The following NMU variants were observed in gnomAD, a reference collection of about 807,000 sequenced individuals.
NMU encodes neuromedin-U.
A neutral mutation model predicts 35.4 loss-of-function variants in NMU; 29 were observed. That is an observed-to-expected ratio of 0.82 (90% CI 0.61 to 1.12). NMU has a LOEUF of 1.12. Among genes scored for constraint, NMU ranks in the 50% most tolerant of loss-of-function variants. The probability of loss-of-function intolerance (pLI) is 0.00; values close to 1 mark genes in which losing one functional copy is unlikely to be tolerated. For missense variants in NMU, 199 were observed against 206.2 expected (o/e 0.97, Z 0.21); for synonymous variants, 78 against 81.3 (o/e 0.96, Z 0.22).
At chr4:55,619,017 G>A (rs1442959445) in intron 2 of NMU, among the ~76,000 whole-genome samples, 1 of 151,644 alleles carries the variant, frequency 6.6e-6, no homozygotes, top group East Asian at 1.9e-4. Context: ...CCACAGGCAA[G>A]CACCACCATG....
In NMU at chr4:55,599,301, T is replaced by C. The variant is rs1214509199; in HGVS notation, c.490-120A>G. 6 of 793,834 alleles carry C rather than the reference T, an allele frequency of 7.6e-6. No homozygotes were observed. The African/African-American group carries it at 1.0e-4, about 14-fold the overall frequency. 49.2% of individuals were successfully genotyped at this position (793,834 alleles called of 1,614,324 possible). ...TGCATCACAATCATCTAGAGGGCTT[T>C]TTACAACATAGACTGCTGGACCCCA... On this transcript the variant is annotated intron_variant, in intron 8 of 9. Coordinates refer to ENST00000264218, the MANE Select transcript of NMU (RefSeq NM_006681.4).
intron 9 of NMU, among the ~76,000 whole-genome samples, chr4:55,597,405 G>C (rs1335486912): frequency 1.3e-5 from 2 of 150,290 alleles, no homozygotes; most frequent in South Asian, 4.2e-4. Flanking sequence ...TTTTGCTCTT[G>C]TTGCCCAGGC....
intron 3 of NMU, among the ~76,000 whole-genome samples, chr4:55,609,564 C>T: frequency 6.6e-6 from 1 of 152,116 alleles, no homozygotes; most frequent in Non-Finnish European, 1.5e-5. Flanking sequence ...ATCTACATGC[C>T]AAAGCTGTGA....
At chr4:55,635,085 C>T (rs1053276364) in intron 1 of NMU, among the ~76,000 whole-genome samples, 21 of 152,160 alleles carry the variant, frequency 1.4e-4, no homozygotes, top group African/African-American at 4.3e-4. Flanking sequence ...CAGTCTGCCA[C>T]TTTTACCTCA....
intron 3 of NMU, among the ~76,000 whole-genome samples, chr4:55,614,986 T>G (rs1734062185): frequency 1.3e-5 from 2 of 152,140 alleles, no homozygotes; most frequent in Admixed American, 6.5e-5. Flanking sequence ...GCAGGAGAAA[T>G]ACAACACTAT....
chr4:55,613,593 C>A (rs913550827), intron 3 of NMU, among the ~76,000 whole-genome samples: 1 of 151,972 alleles, frequency 6.6e-6, no homozygotes, highest in Non-Finnish European at 1.5e-5. Flanking sequence ...ATAATAATAT[C>A]CCCATTGAAT....
intron 2 of NMU, among the ~76,000 whole-genome samples, chr4:55,627,872 T>C (rs12500837): frequency 0.22 from 33,782 of 152,208 alleles, 4,927 homozygotes; most frequent in East Asian, 0.57. Context: ...CACATTTTAT[T>C]TAGGATTAAC....
chr4:55,633,886 G>T (rs527290744), intron 1 of NMU, among the ~76,000 whole-genome samples: 1 of 152,344 alleles, frequency 6.6e-6, no homozygotes, highest in African/African-American at 2.4e-5. Flanking sequence ...TCAAGTAACA[G>T]TTTGTTGCAG....
At chr4:55,615,240 C>G (rs1005860511) in intron 3 of NMU, among the ~76,000 whole-genome samples, 3 of 152,204 alleles carry the variant, frequency 2.0e-5, no homozygotes, top group Admixed American at 6.5e-5. Context: ...TAATTCTTTT[C>G]TATTGAAGAG....
intron 2 of NMU, among the ~76,000 whole-genome samples, chr4:55,616,776 C>T (rs1560521176): frequency 6.6e-6 from 1 of 152,132 alleles, no homozygotes; most frequent in Non-Finnish European, 1.5e-5. Flanking sequence ...ACACATGAAC[C>T]TAATGTCACC....
intron 9 of NMU, among the ~76,000 whole-genome samples, chr4:55,598,548 T>C (rs890454919): frequency 6.6e-6 from 1 of 152,204 alleles, no homozygotes; most frequent in Non-Finnish European, 1.5e-5. Flanking sequence ...TTATTAAACA[T>C]GTGGGAACAG....
chr4:55,607,570 T>C, intron 4 of NMU, 104 bp from the exon 5 acceptor site: 1 of 416,860 alleles, frequency 2.4e-6, no homozygotes, highest in Non-Finnish European at 4.3e-6. Context: ...TTAAAACACA[T>C]GACTCATGTT....
At chr4:55,597,364 T>C (rs1031156996) in intron 9 of NMU, among the ~76,000 whole-genome samples, 1 of 151,314 alleles carries the variant, frequency 6.6e-6, no homozygotes, top group African/African-American at 2.4e-5. Flanking sequence ...TGAGACAGAG[T>C]ATAGTTTTGA....
intron 8 of NMU, among the ~76,000 whole-genome samples, chr4:55,600,252 T>C (rs1166889829): frequency 1.3e-5 from 2 of 152,110 alleles, no homozygotes; most frequent in Admixed American, 6.5e-5. Flanking sequence ...TTTCTATACA[T>C]AAAATGTCAT....
intron 1 of NMU, among the ~76,000 whole-genome samples, chr4:55,632,525 C>A (rs1443458585): frequency 6.6e-6 from 1 of 152,124 alleles, no homozygotes; most frequent in Non-Finnish European, 1.5e-5. Flanking sequence ...AACAATCTTA[C>A]ACACTTCTCA....
intron 3 of NMU, among the ~76,000 whole-genome samples, chr4:55,615,265 G>T (rs1037626587): frequency 6.6e-6 from 1 of 152,228 alleles, no homozygotes. Flanking sequence ...GAGCTGTCTG[G>T]TAGGTGAACT....
chr4:55,610,787 A>G (rs1224757989), intron 3 of NMU, among the ~76,000 whole-genome samples: 1 of 152,218 alleles, frequency 6.6e-6, no homozygotes, highest in Non-Finnish European at 1.5e-5. Context: ...TGAGTCAATG[A>G]TAGAATGCGT....
chr4:55,605,468 A>G (rs1388566528), intron 6 of NMU, 119 bp from the exon 7 acceptor site: 7 of 778,212 alleles, frequency 9.0e-6, no homozygotes, highest in Admixed American at 1.9e-5. Context: ...AAAACAGAAA[A>G]TTAAAGATGT....
intron 1 of NMU, among the ~76,000 whole-genome samples, chr4:55,633,659 T>G (rs9312664): frequency 0.33 from 50,684 of 152,202 alleles, 9,404 homozygotes; most frequent in Middle Eastern, 0.45. Flanking sequence ...TATCCGTAAG[T>G]ACATTATGTA....
Sources: gnomAD v4.1 joint callset for allele counts (sites outside exome capture counted in the v4.1 genomes callset) on GRCh38, gnomAD v4.1.1 for gene constraint, MANE v1.5 for transcripts, NCBI Gene and HGNC (gene_info 2026-07-23, HGNC 2026-07-21) for gene names.